Variants in NEMP1 observed in about 807,000 individuals in gnomAD.
NEMP1 encodes the protein transmembrane protein 194.
A neutral mutation model predicts 53.7 loss-of-function variants in NEMP1; 29 were observed. The observed-to-expected ratio is 0.54, with a 90% confidence interval of 0.40 to 0.74. NEMP1 has a LOEUF of 0.74. Ranked by LOEUF, NEMP1 falls within the 30% of genes least tolerant of loss-of-function variation. NEMP1 has a pLI of 0.00. For missense variants in NEMP1, 477 were observed against 528.6 expected (o/e 0.90, Z 0.96); for synonymous variants, 193 against 192.9 (o/e 1.00, Z 0.00).
intron 4 of NEMP1, among the ~76,000 whole-genome samples, chr12:57,068,626 C>A (rs2136499250): frequency 6.6e-6 from 1 of 152,220 alleles, no homozygotes; most frequent in African/African-American, 2.4e-5. Flanking sequence ...AGCACAGTGG[C>A]ACGATCTCGG....
At position 57,064,162 on chromosome 12, in the gene NEMP1, C is replaced by T. The variant is rs765449144; in HGVS notation, c.663G>A (p.Leu221=). Residue 221 remains leucine, a synonymous_variant, in exon 6 of 9, where the codon CTG becomes CTA. Transcript: ENST00000300128. ...MPKKSPIYVI[L]VGGWSFSLYL... Reference sequence around the variant, plus strand: ...ACAGAGAAAAAGACCAGCCTCCCACCAGGATGACGTAAATGGGACTTTTCT... The same window carrying T: ...ACAGAGAAAAAGACCAGCCTCCCACTAGGATGACGTAAATGGGACTTTTCT... 1.2e-6 allele frequency: 2 copies of T among 1,608,162 alleles called. No individual in the cohort carries two copies. Among genetic ancestry groups the T allele is most frequent in the Non-Finnish European group, 1.7e-6 (2 of 1,177,872 alleles).
intron 1 of NEMP1, among the ~76,000 whole-genome samples, chr12:57,076,825 A>T (rs2032643686): frequency 6.7e-6 from 1 of 150,164 alleles, no homozygotes; most frequent in African/African-American, 2.5e-5. Context: ...AAATTAGCCG[A>T]GTGTGGTGGC....
rs907729007 is a variant in NEMP1 at position 57,058,827 on chromosome 12, G to C, written c.*1052C>G. On this transcript the variant is annotated 3_prime_UTR_variant, in exon 9 of 9. Transcript: ENST00000300128. ...TGGTGAGAAAAGGCTGAAAGGAATGGACAGAGCATGTAGACAAAGGAAGGG... is the reference window on the plus strand; with the variant it reads ...TGGTGAGAAAAGGCTGAAAGGAATGCACAGAGCATGTAGACAAAGGAAGGG... 2.0e-5 allele frequency: 3 copies of C among 152,156 alleles called. No homozygotes were observed. The highest frequency in any genetic ancestry group is 7.2e-5 in the African/African-American group (3 of 41,430). The allele number at this position is 152,156 out of a possible 1,614,324, so 9.4% of individuals were successfully genotyped here.
rs576701173 is a variant in NEMP1, at chr12:57,062,501, G to C, written c.980+618C>G. Among the ~76,000 whole-genome samples the C allele has an allele frequency of 1.6e-4, 24 of 151,252 alleles. No homozygotes were observed. The East Asian group carries it at 3.1e-3, about 20-fold the overall frequency. ...TCTCAAAAAAAAAATCTGAACCCAGGAGACCTCAATGAGCATACGGTATAA... is the reference window on the plus strand; with the variant it reads ...TCTCAAAAAAAAAATCTGAACCCAGCAGACCTCAATGAGCATACGGTATAA... On this transcript the variant is annotated intron_variant, in intron 7 of 8. Coordinates refer to ENST00000300128, the MANE Select transcript of NEMP1 (RefSeq NM_001130963.2).
In NEMP1 at chr12:57,069,307, C is replaced by T. The variant is rs2032240618; in HGVS notation, c.473-1G>A. ...ACAAGAAAGAGTTTGGGATCAAATC[C>T]TGAAATAAATAAAGATTTTTGCTTA... On this transcript the variant is annotated splice_acceptor_variant, in intron 3 of 8. Coordinates refer to ENST00000300128, the MANE Select transcript of NEMP1 (RefSeq NM_001130963.2). LOFTEE classifies it high-confidence loss of function. 1 of 1,538,000 alleles carries T rather than the reference C, an allele frequency of 6.5e-7. No homozygotes were observed. The highest frequency in any genetic ancestry group is 2.1e-5 in the Admixed American group (1 of 47,518).
At chr12:57,064,233 C>T (rs1420683054) in intron 5 of NEMP1, 48 bp from the exon 6 acceptor site, 5 of 1,258,582 alleles carry the variant, frequency 4.0e-6, no homozygotes, top group African/African-American at 3.1e-5. Context: ...ACAGGCTTTC[C>T]ATACATAAAA....
chr12:57,066,380 A>G (rs1045865681), intron 4 of NEMP1, among the ~76,000 whole-genome samples: 2 of 152,216 alleles, frequency 1.3e-5, no homozygotes, highest in Non-Finnish European at 2.9e-5. Flanking sequence ...TGTTCCCTGG[A>G]GTAGCACTTT....
chr12:57,057,045 C>G lies in NEMP1; in HGVS notation c.*2834G>C, dbSNP rs991316918. 6.6e-6 allele frequency: 1 copy of G among 152,170 alleles called. No individual in the cohort carries two copies. The highest frequency in any genetic ancestry group is 1.5e-5 in the Non-Finnish European group (1 of 68,034). 9.4% of individuals were successfully genotyped at this position (152,170 alleles called of 1,614,324 possible). On this transcript the variant is annotated 3_prime_UTR_variant, in exon 9 of 9. Coordinates refer to ENST00000300128, the MANE Select transcript of NEMP1 (RefSeq NM_001130963.2). ...GCTAAATTTTCCTTGTTTTTGATCC[C>G]TGTGTTCTGTTGGTCTCTTGAAGCA...
Position 57,078,779 on chromosome 12 carries a change from T to A in NEMP1, c.-34A>T, listed in dbSNP as rs1565667228. The A allele has an allele frequency of 6.3e-7, 1 of 1,591,146 alleles. No homozygotes were observed. The highest frequency in any genetic ancestry group is 2.3e-5 in the East Asian group (1 of 44,388). On this transcript the variant is annotated 5_prime_UTR_variant, in exon 1 of 9. Coordinates refer to ENST00000300128, the MANE Select transcript of NEMP1 (RefSeq NM_001130963.2). ...CAAGCCACCTCCTCCTCACGTGCCT[T>A]ACCCCAGCAACTAACTCCGAACGGG...
At chr12:57,086,685 G>A (rs530836169) in intron 1 of NEMP1, among the ~76,000 whole-genome samples, 2 of 152,276 alleles carry the variant, frequency 1.3e-5, no homozygotes, top group South Asian at 4.1e-4. Flanking sequence ...AGGAGTGGGC[G>A]GGAAGAACAG....
intron 1 of NEMP1, among the ~76,000 whole-genome samples, 178 bp downstream of exon 1, chr12:57,078,441 G>C (rs558598417): frequency 6.6e-6 from 1 of 152,090 alleles, no homozygotes; most frequent in South Asian, 2.1e-4. Context: ...TCAGGGCCCA[G>C]ACCCTCAGTC....
intron 4 of NEMP1, among the ~76,000 whole-genome samples, chr12:57,066,553 G>A (rs1241140026): frequency 6.6e-6 from 1 of 152,158 alleles, no homozygotes; most frequent in Non-Finnish European, 1.5e-5. Context: ...TCTACTCTAG[G>A]GTTATTAATT....
At position 57,062,445 on chromosome 12, in the gene NEMP1, G is replaced by A. The variant is rs1422333196; in HGVS notation, c.980+674C>T. Among the ~76,000 whole-genome samples, 62 of 143,128 alleles carry A rather than the reference G, an allele frequency of 4.3e-4. No homozygotes were observed. In the East Asian group the frequency reaches 5.1e-3, roughly 12 times the overall value. The allele number at this position is 143,128 out of a possible 152,430, so 93.9% of individuals were successfully genotyped here. The stretch of plus-strand genomic sequence containing the variant: ...CAGTGAGCCGAGATCACGCCATTGT[G>A]CTCCAGCCTGGGTGACAGAGAGAGA... On this transcript the variant is annotated intron_variant, in intron 7 of 8. Transcript: ENST00000300128.
intron 7 of NEMP1, among the ~76,000 whole-genome samples, chr12:57,061,725 G>A (rs2031819239): frequency 6.6e-6 from 1 of 150,702 alleles, no homozygotes; most frequent in East Asian, 2.0e-4. Flanking sequence ...AAAACGCCGG[G>A]CAAGGTGGCT....
rs533769999 is a variant in NEMP1, at chr12:57,058,836, T to C, written c.*1043A>G. ...AAGGCTGAAAGGAATGGACAGAGCA[T>C]GTAGACAAAGGAAGGGAAAGGAAAA... On this transcript the variant is annotated 3_prime_UTR_variant, in exon 9 of 9. Transcript: ENST00000300128. 7.2e-5 allele frequency: 11 copies of C among 152,268 alleles called. No individual in the cohort carries two copies. The East Asian group carries it at 1.3e-3, about 19-fold the overall frequency. The allele number at this position is 152,268 out of a possible 1,614,324, so 9.4% of individuals were successfully genotyped here.
At position 57,063,156 on chromosome 12, in the gene NEMP1, G is replaced by T. The variant is rs1309469964; in HGVS notation, c.943C>A (p.Leu315Met). Residue 315 changes from leucine (L) to methionine (M), a missense_variant, in exon 7 of 9, where the codon CTG becomes ATG. Leu to Met is a conservative substitution (Grantham distance 15). Coordinates refer to ENST00000300128, the MANE Select transcript of NEMP1 (RefSeq NM_001130963.2). The part of the protein sequence containing the change: ...IIIIALCTKN[L>M]EHPIQWLYIT... ...TACAGCCACTGAATAGGGTGTTCCA[G>T]GTTCTTAGTACAAAGAGCAATGATG... The T allele has an allele frequency of 6.2e-7, 1 of 1,613,972 alleles. No individual in the cohort carries two copies. Among genetic ancestry groups the T allele is most frequent in the African/African-American group, 1.3e-5 (1 of 74,904 alleles).
intron 1 of NEMP1, among the ~76,000 whole-genome samples, chr12:57,074,848 G>T (rs935733842): frequency 1.4e-4 from 22 of 152,232 alleles, no homozygotes; most frequent in African/African-American, 5.3e-4. Context: ...AGCACTTGGG[G>T]AGGCCAAGGC....
chr12:57,061,674 CA>C (rs1384314354), intron 7 of NEMP1, among the ~76,000 whole-genome samples: 2 of 95,010 alleles, frequency 2.1e-5, no homozygotes, highest in African/African-American at 3.9e-5. Flanking sequence ...GCCTGGGCAA[CA>C]AGAGCAAAAC....
At chr12:57,067,297 C>T (rs1029745459) in intron 4 of NEMP1, among the ~76,000 whole-genome samples, 3 of 151,216 alleles carry the variant, frequency 2.0e-5, no homozygotes, top group Non-Finnish European at 2.9e-5. Flanking sequence ...ACACTCCAGC[C>T]TGGGCGACAG....
Sources: allele counts gnomAD v4.1 joint callset (sites outside exome capture counted in the v4.1 genomes callset), GRCh38; gene constraint gnomAD v4.1.1; transcripts MANE v1.5; gene names NCBI Gene and HGNC (gene_info 2026-07-23, HGNC 2026-07-21).